The following MKNK1 variants were observed in gnomAD, a reference collection of about 807,000 sequenced individuals.
MKNK1 encodes the protein MAPK interacting serine/threonine kinase 1, also known as MAP kinase-interacting serine/threonine-protein kinase 1.
In MKNK1, 30 loss-of-function variants were observed where a neutral mutation model predicts 49.3. That is an observed-to-expected ratio of 0.61 (90% CI 0.46 to 0.83). MKNK1 has a LOEUF of 0.83. Among genes scored for constraint, MKNK1 ranks in the 40% least tolerant of loss-of-function variants. The pLI is 0.00. For missense variants in MKNK1, 423 were observed against 524.7 expected (o/e 0.81, Z 1.89); for synonymous variants, 176 against 201.7 (o/e 0.87, Z 1.08).
intron 1 of MKNK1, among the ~76,000 whole-genome samples, chr1:46,600,727 T>G (rs1674622045): frequency 2.0e-5 from 3 of 152,222 alleles, no homozygotes; most frequent in Admixed American, 1.3e-4. Context: ...AATTGGAAAA[T>G]AGATCTGAAT....
At chr1:46,599,020 C>T (rs1324938620) in intron 1 of MKNK1, among the ~76,000 whole-genome samples, 3 of 152,184 alleles carry the variant, frequency 2.0e-5, no homozygotes, top group African/African-American at 7.2e-5. Context: ...GTATATGGAG[C>T]TCATGGCATC....
chr1:46,580,591 C>A lies in MKNK1; in HGVS notation c.137G>T (p.Gly46Val), dbSNP rs762420515. ...GGCACCTTGAACTTTGGCATAGGCT[C>A]CCTCTCCAAGCAATTCAGAGGTCAG... ...YKLTSELLGE[G>V]AYAKVQGAVS... The change falls in exon 4 of 13, where the codon GGA becomes GTA. Residue 46 changes from glycine to valine, a missense_variant. Gly to Val is a moderately radical substitution (Grantham distance 109). Coordinates refer to ENST00000371945, the MANE Select transcript of MKNK1 (RefSeq NM_001135553.4). The A allele has an allele frequency of 6.2e-7, 1 of 1,614,050 alleles. No individual in the cohort carries two copies. The highest frequency in any genetic ancestry group is 8.5e-7 in the Non-Finnish European group (1 of 1,179,932).
chr1:46,602,975 A>G (rs759911861), intron 1 of MKNK1, among the ~76,000 whole-genome samples: 5 of 152,174 alleles, frequency 3.3e-5, no homozygotes, highest in African/African-American at 7.2e-5. Context: ...GCTTCATGCA[A>G]TCTGAGTTGC....
At chr1:46,598,122 G>A (rs1046835272) in intron 1 of MKNK1, among the ~76,000 whole-genome samples, 5 of 152,144 alleles carry the variant, frequency 3.3e-5, no homozygotes, top group Non-Finnish European at 7.4e-5. Context: ...AGAAGAAATG[G>A]CTTAAGTTAA....
chr1:46,578,587 T>C (rs1156310306), intron 4 of MKNK1, among the ~76,000 whole-genome samples: 1 of 86,096 alleles, frequency 1.2e-5, no homozygotes, highest in Non-Finnish European at 2.0e-5. Context: ...GATATATCAA[T>C]TTTTTTTTTT....
At chr1:46,568,761 C>T (rs1669550820) in intron 7 of MKNK1, 4 of 491,290 alleles carry the variant, frequency 8.1e-6, no homozygotes, top group African/African-American at 3.9e-5. Context: ...CCAGCCTACC[C>T]CTCAGTACCA....
intron 1 of MKNK1, among the ~76,000 whole-genome samples, chr1:46,601,162 C>G (rs1272724938): frequency 2.0e-5 from 3 of 152,240 alleles, no homozygotes; most frequent in African/African-American, 7.2e-5. Context: ...GGTGATCCAC[C>G]TGCCTCGGCC....
intron 2 of MKNK1, among the ~76,000 whole-genome samples, chr1:46,586,430 C>T (rs577859783): frequency 6.6e-6 from 1 of 152,256 alleles, no homozygotes; most frequent in African/African-American, 2.4e-5. Context: ...CTCCCAAACA[C>T]CCTGCGAGAA....
chr1:46,575,480 G>C (rs1354365369), intron 5 of MKNK1: 1 of 157,728 alleles, frequency 6.3e-6, no homozygotes, highest in African/African-American at 2.4e-5. Flanking sequence ...GGAAACATCT[G>C]TCAAATGGAC....
chr1:46,576,798 G>A, intron 4 of MKNK1, 144 bp from the exon 5 acceptor site: 2 of 707,330 alleles, frequency 2.8e-6, no homozygotes, highest in Admixed American at 2.1e-5. Flanking sequence ...GGTGACACCG[G>A]CACTGTGGCT....
intron 1 of MKNK1, among the ~76,000 whole-genome samples, chr1:46,602,182 C>T (rs999100067): frequency 2.6e-5 from 4 of 152,204 alleles, no homozygotes; most frequent in African/African-American, 4.8e-5. Context: ...GAGGCCCAGG[C>T]AGGCGGATCA....
chr1:46,599,671 T>G (rs1469397115), intron 1 of MKNK1, among the ~76,000 whole-genome samples: 1 of 152,216 alleles, frequency 6.6e-6, no homozygotes, highest in African/African-American at 2.4e-5. Context: ...TTGGAGCCTC[T>G]AGCATAAGGA....
chr1:46,580,104 C>T (rs758752156), intron 4 of MKNK1, among the ~76,000 whole-genome samples: 17 of 152,114 alleles, frequency 1.1e-4, no homozygotes, highest in East Asian at 5.8e-4. Context: ...CTGAGGCTTA[C>T]GGACATTTGA....
intron 10 of MKNK1, 139 bp downstream of exon 10, chr1:46,562,510 A>C: frequency 1.6e-4 from 154 of 958,328 alleles, no homozygotes; most frequent in Middle Eastern, 3.4e-4. Context: ...CCTTGTGGCC[A>C]CCGTGACAGG....
chr1:46,576,496 A>T (rs1349972553), intron 5 of MKNK1, 79 bp downstream of exon 5: 25 of 1,188,236 alleles, frequency 2.1e-5, no homozygotes, highest in Non-Finnish European at 3.1e-5. Flanking sequence ...TGCTGGAGTC[A>T]GGAGATGGTA....
chr1:46,562,434 C>T (rs978110094), intron 10 of MKNK1, among the ~76,000 whole-genome samples: 4 of 145,258 alleles, frequency 2.8e-5, no homozygotes, highest in Non-Finnish European at 6.0e-5. Context: ...TCAGTTCAGG[C>T]ATGATCTTCT....
chr1:46,588,740 G>A (rs1672939406), intron 2 of MKNK1, among the ~76,000 whole-genome samples: 1 of 151,416 alleles, frequency 6.6e-6, no homozygotes, highest in Non-Finnish European at 1.5e-5. Flanking sequence ...CCCGGGGGGC[G>A]GAGCCTGCAG....
intron 4 of MKNK1, among the ~76,000 whole-genome samples, chr1:46,578,335 T>C (rs2148673969): frequency 6.6e-6 from 1 of 152,140 alleles, no homozygotes; most frequent in African/African-American, 2.4e-5. Context: ...TTGGGAGAAG[T>C]AGCCCATCTC....
chr1:46,602,616 T>A (rs540592340), intron 1 of MKNK1, among the ~76,000 whole-genome samples: 13 of 152,316 alleles, frequency 8.5e-5, no homozygotes, highest in Admixed American at 5.2e-4. Context: ...CACAAATTCA[T>A]AAACGTTCTT....
Sources: allele counts gnomAD v4.1 joint callset (sites outside exome capture counted in the v4.1 genomes callset), GRCh38; gene constraint gnomAD v4.1.1; transcripts MANE v1.5; gene names NCBI Gene and HGNC (gene_info 2026-07-23, HGNC 2026-07-21).